Variants in ADAMTS17 observed in about 807,000 individuals in gnomAD.
ADAMTS17 encodes ADAM metallopeptidase with thrombospondin type 1 motif 17.
In ADAMTS17, 113 loss-of-function variants were observed where a neutral mutation model predicts 141.5. The ratio of observed to expected loss-of-function variants is 0.80; its 90% CI spans 0.69 to 0.93. ADAMTS17 has a LOEUF of 0.93. Among genes scored for constraint, ADAMTS17 ranks in the 40% least tolerant of loss-of-function variants. The pLI is 0.00. For synonymous variants in ADAMTS17, 768 were observed against 630.6 expected, an observed-to-expected ratio of 1.22 and a Z score of -3.27; for missense variants, 1,659 against 1,517.9, an observed-to-expected ratio of 1.09 and a Z score of -1.54.
At chr15:100,002,973 G>T (rs1291753004) in intron 18 of ADAMTS17, among the ~76,000 whole-genome samples, 1 of 152,084 alleles carries the variant, frequency 6.6e-6, no homozygotes, top group African/African-American at 2.4e-5. Flanking sequence ...CTGCTCCTCA[G>T]CCAGGGATGC....
At chr15:100,191,326 T>C (rs2040909541) in intron 8 of ADAMTS17, among the ~76,000 whole-genome samples, 1 of 152,250 alleles carries the variant, frequency 6.6e-6, no homozygotes, top group Non-Finnish European at 1.5e-5. Context: ...CTTCCTACCG[T>C]GACGCTGAGC....
At chr15:100,084,172 C>A (rs2034936047) in intron 15 of ADAMTS17, among the ~76,000 whole-genome samples, 1 of 152,202 alleles carries the variant, frequency 6.6e-6, no homozygotes, top group African/African-American at 2.4e-5. Context: ...ATGGGCTTAA[C>A]AAATGGCACA....
chr15:100,269,461 T>C (rs1025422501), intron 4 of ADAMTS17, among the ~76,000 whole-genome samples: 3 of 152,190 alleles, frequency 2.0e-5, no homozygotes, highest in Non-Finnish European at 2.9e-5. Context: ...TAATTTTTAC[T>C]TTTTTAGGGG....
chr15:100,320,028 TCA>T (rs2045684116), intron 3 of ADAMTS17, among the ~76,000 whole-genome samples: 1 of 152,032 alleles, frequency 6.6e-6, no homozygotes, highest in Admixed American at 6.6e-5. Flanking sequence ...TGGAAAAGAA[TCA>T]GATATAACTT....
intron 14 of ADAMTS17, among the ~76,000 whole-genome samples, chr15:100,106,611 G>C (rs1445808352): frequency 1.3e-5 from 2 of 152,158 alleles, no homozygotes; most frequent in African/African-American, 4.8e-5. Flanking sequence ...GACAATTTTA[G>C]GATTCTTAGA....
At position 100,116,132 on chromosome 15, in the gene ADAMTS17, T is replaced by TAA. The variant is rs34003703; in HGVS notation, c.1888+713_1888+714dup. 6.5e-3 allele frequency among the ~76,000 whole-genome samples: 555 copies of TAA among 84,736 alleles called. 16 individuals carry two copies. The highest frequency in any genetic ancestry group is 0.024 in the African/African-American group (500 of 21,246). The allele number at this position is 84,736 out of a possible 152,430, so 55.6% of individuals were successfully genotyped here. Reference sequence around the variant, plus strand: ...TTTCCTAAAGAAGAACAGTTTTAGGTAAAAAAAAAAAAAAAAAAAAAAAAA... The same window carrying TAA: ...TTTCCTAAAGAAGAACAGTTTTAGGTAAAAAAAAAAAAAAAAAAAAAAAAAAA... On this transcript the variant is annotated intron_variant, in intron 13 of 21. Transcript: ENST00000268070.
chr15:100,261,000 TAAGAA>T (rs898464424), intron 6 of ADAMTS17, among the ~76,000 whole-genome samples: 26 of 151,924 alleles, frequency 1.7e-4, no homozygotes, highest in African/African-American at 6.3e-4. Flanking sequence ...GTTGAAAACA[TAAGAA>T]AAAAATGATA....
chr15:100,035,387 A>G (rs2030607415), intron 18 of ADAMTS17, among the ~76,000 whole-genome samples: 1 of 152,146 alleles, frequency 6.6e-6, no homozygotes, highest in African/African-American at 2.4e-5. Context: ...CAGAGTACAT[A>G]TATTATCGAG....
chr15:99,984,988 C>T (rs2052993510), intron 20 of ADAMTS17, among the ~76,000 whole-genome samples: 2 of 152,264 alleles, frequency 1.3e-5, no homozygotes, highest in South Asian at 4.1e-4. Context: ...GACCATTCGG[C>T]ATGGCCCTGC....
chr15:100,084,228 C>T (rs1182662201), intron 15 of ADAMTS17, among the ~76,000 whole-genome samples: 7 of 152,212 alleles, frequency 4.6e-5, no homozygotes, highest in Admixed American at 3.3e-4. Flanking sequence ...CCCATGCCCA[C>T]AGAGCCTCGC....
At chr15:100,315,797 G>T (rs902275677) in intron 3 of ADAMTS17, among the ~76,000 whole-genome samples, 8 of 152,230 alleles carry the variant, frequency 5.3e-5, no homozygotes, top group Non-Finnish European at 1.2e-4. Flanking sequence ...ATACTTACAT[G>T]AAGCCTCATT....
rs540002217 is a variant in ADAMTS17 at position 100,191,346 on chromosome 15, C to T, written c.1181+7972G>A. Among the ~76,000 whole-genome samples, 31 of 152,356 alleles carry T rather than the reference C, an allele frequency of 2.0e-4. No individual in the cohort carries two copies. In the East Asian group the frequency reaches 5.0e-3, roughly 25 times the overall value. On this transcript the variant is annotated intron_variant, in intron 8 of 21. Transcript: ENST00000268070. ...TACCGTGACGCTGAGCTCCAGCCAA[C>T]AGCTGTTTGGACATGCTGCTCAGAA... is the stretch of plus-strand genomic sequence containing the variant.
chr15:100,195,604 G>C (rs1430820213), intron 8 of ADAMTS17, among the ~76,000 whole-genome samples: 2 of 83,744 alleles, frequency 2.4e-5, no homozygotes, highest in East Asian at 7.9e-4. Flanking sequence ...CTGGCCCATT[G>C]TTTGGTCTCA....
At chr15:100,215,332 G>A (rs1184919958) in intron 7 of ADAMTS17, among the ~76,000 whole-genome samples, 2 of 152,322 alleles carry the variant, frequency 1.3e-5, no homozygotes, top group Middle Eastern at 3.4e-3. Flanking sequence ...TCTGGATCTC[G>A]TCTGGAACAT....
intron 8 of ADAMTS17, among the ~76,000 whole-genome samples, chr15:100,158,075 G>C (rs184506754): frequency 1.1e-4 from 16 of 152,216 alleles, no homozygotes; most frequent in Admixed American, 3.9e-4. Flanking sequence ...TTTTAGTAGA[G>C]ACAGGGTTTC....
intron 3 of ADAMTS17, among the ~76,000 whole-genome samples, chr15:100,301,601 G>T (rs189744976): frequency 6.6e-6 from 1 of 151,964 alleles, no homozygotes; most frequent in East Asian, 1.9e-4. Flanking sequence ...AAAGCGCTGG[G>T]ATTACAGGCG....
Position 100,341,269 on chromosome 15 carries a change from CGCGCGGGGCGGCTGGGG to C in ADAMTS17, c.203_219del (p.Pro68ArgfsTer120). The stretch of plus-strand genomic sequence containing the variant: ...AGCAGGGCGCGCTCTCCGGGCCGGG[CGCGCGGGGCGGCTGGGG>C]GCGTGCGGGGGCGTCGCCGCCGTCG... On this transcript the variant is annotated frameshift_variant, in exon 2 of 22. Transcript: ENST00000268070. LOFTEE classifies it high-confidence loss of function. 1 of 1,260,764 alleles carries C rather than the reference CGCGCGGGGCGGCTGGGG, an allele frequency of 7.9e-7. No homozygotes were observed. Among genetic ancestry groups the C allele is most frequent in the Non-Finnish European group, 1.0e-6 (1 of 1,001,742 alleles). 78.1% of individuals were successfully genotyped at this position (1,260,764 alleles called of 1,614,324 possible).
At chr15:100,266,960 C>T (rs916261895) in intron 4 of ADAMTS17, among the ~76,000 whole-genome samples, 13 of 152,186 alleles carry the variant, frequency 8.5e-5, no homozygotes, top group Admixed American at 5.9e-4. Flanking sequence ...GTAAATCAAT[C>T]TGAGTAGAAT....
intron 15 of ADAMTS17, among the ~76,000 whole-genome samples, chr15:100,056,889 C>T (rs1161991274): frequency 6.6e-6 from 1 of 152,094 alleles, no homozygotes; most frequent in East Asian, 1.9e-4. Context: ...ATGAACACAA[C>T]ACAATTTCAC....
Sources: allele counts gnomAD v4.1 joint callset (sites outside exome capture counted in the v4.1 genomes callset), GRCh38; gene constraint gnomAD v4.1.1; transcripts MANE v1.5; gene names NCBI Gene and HGNC (gene_info 2026-07-23, HGNC 2026-07-21).